WASHC2A: variants seen among roughly 807,000 people sequenced by gnomAD.
WASHC2A encodes WASH complex subunit FAM21A.
In WASHC2A, 82 loss-of-function variants were observed where a neutral mutation model predicts 140.3. The observed-to-expected ratio is 0.58, with a 90% CI of 0.49 to 0.70. The LOEUF is 0.70. WASHC2A is among the 30% of genes least tolerant of loss of function. The pLI is 0.00. For synonymous variants in WASHC2A, 340 were observed against 560.8 expected (o/e 0.61, Z 5.56); for missense variants, 985 against 1,521.8 (o/e 0.65, Z 5.87).
intron 20 of WASHC2A, chr10:50,112,063 G>C: frequency 1.0e-6 from 1 of 985,270 alleles, no homozygotes; most frequent in Non-Finnish European, 1.2e-6. Context: ...AAACAGACGA[G>C]AAAGAGAAGA....
rs1455989221 is a variant in WASHC2A, at chr10:50,095,617, G to C, written c.1259G>C (p.Gly420Ala). ...SVFLGDTDVF[G>A]AASVPSMKEP... ...CCCACAGGAGACACGGATGTGTTTG[G>C]TGCTGCCTCCGTTCCATCAATGAAG... Residue 420 changes from glycine (G) to alanine (A), a missense_variant, in exon 15 of 31, where the codon GGT becomes GCT. Gly to Ala is a moderately conservative substitution (Grantham distance 60). Coordinates refer to ENST00000282633, the MANE Select transcript of WASHC2A (RefSeq NM_001005751.3). 8.1e-6 allele frequency: 13 copies of C among 1,611,776 alleles called. No homozygotes were observed. The highest frequency in any genetic ancestry group is 9.3e-6 in the Non-Finnish European group (11 of 1,179,852).
intron 10 of WASHC2A, 42 bp from the exon 11 acceptor site, chr10:50,092,120 G>C (rs2132566271): frequency 7.7e-7 from 1 of 1,295,438 alleles, no homozygotes; most frequent in East Asian, 2.5e-5. Flanking sequence ...TGTATACTGA[G>C]GGAGGACTTA....
At chr10:50,094,633 CCTG>C (rs1195482578) in intron 13 of WASHC2A, among the ~76,000 whole-genome samples, 1 of 152,154 alleles carries the variant, frequency 6.6e-6, no homozygotes, top group Non-Finnish European at 1.5e-5. Flanking sequence ...GCTCCTTGTG[CCTG>C]CTGTGCGGGC....
chr10:50,092,662 C>A (rs1424951482), intron 11 of WASHC2A, among the ~76,000 whole-genome samples: 4 of 151,576 alleles, frequency 2.6e-5, no homozygotes, highest in African/African-American at 9.7e-5. Flanking sequence ...ATCCCAAAAA[C>A]AAACAGAAGC....
In WASHC2A at chr10:50,078,663, T is replaced by G. The variant is rs1486916174; in HGVS notation, c.292-12T>G. On this transcript the variant is annotated splice_polypyrimidine_tract_variant and intron_variant, in intron 3 of 30. Coordinates refer to ENST00000282633, the MANE Select transcript of WASHC2A (RefSeq NM_001005751.3). ...GTTGACCTTTTAACATTGAGTTTGC[T>G]TCCATATTTAGCGTGTATATGATGA... 1 of 1,611,794 alleles carries G rather than the reference T, an allele frequency of 6.2e-7. No homozygotes were observed. The highest frequency in any genetic ancestry group is 1.3e-5 in the African/African-American group (1 of 74,810).
chr10:50,108,889 G>GAA (rs1182148936), intron 19 of WASHC2A, among the ~76,000 whole-genome samples: 106 of 75,616 alleles, frequency 1.4e-3, no homozygotes, highest in African/African-American at 2.5e-3. Flanking sequence ...CTCGAAAAAG[G>GAA]AAAAAAAAAA....
chr10:50,084,112 C>A lies in WASHC2A; in HGVS notation c.569C>A (p.Ser190Ter). The change falls in exon 6 of 31, where the codon TCA becomes TAA. Residue 190 changes from serine (S) to a stop codon, truncating the protein, a stop_gained. Coordinates refer to ENST00000282633, the MANE Select transcript of WASHC2A (RefSeq NM_001005751.3). LOFTEE classifies it high-confidence loss of function. Reference protein sequence around the residue: ...IDRPLPYLIGSKLFMEQEDVG... With the variant: ...IDRPLPYLIG ...CGTCCTTTACCATATCTCATTGGGT[C>A]AAAGCTGTTCATGGAACAAGAAGAT... 1.2e-6 allele frequency: 2 copies of A among 1,611,602 alleles called. No homozygotes were observed. The highest frequency in any genetic ancestry group is 2.2e-5 in the South Asian group (2 of 90,944).
At chr10:50,088,640 C>G (rs1839605214) in intron 8 of WASHC2A, among the ~76,000 whole-genome samples, 1 of 120,138 alleles carries the variant, frequency 8.3e-6, no homozygotes, top group Non-Finnish European at 1.7e-5. Flanking sequence ...GTTAATAACT[C>G]TTAATGTCTG....
At chr10:50,124,768 C>T (rs1843283236) in intron 23 of WASHC2A, among the ~76,000 whole-genome samples, 1 of 150,322 alleles carries the variant, frequency 6.7e-6, no homozygotes, top group Non-Finnish European at 1.5e-5. Context: ...AAATGTTTCT[C>T]ATTATGGAAC....
chr10:50,128,888 G>T (rs2258257), intron 28 of WASHC2A, among the ~76,000 whole-genome samples: 1 of 150,414 alleles, frequency 6.6e-6, no homozygotes, highest in Non-Finnish European at 1.5e-5. Flanking sequence ...AATATTTAAC[G>T]TTTGAATTCA....
intron 8 of WASHC2A, among the ~76,000 whole-genome samples, chr10:50,090,546 A>ATATT (rs1399639247): frequency 1.9e-4 from 27 of 144,816 alleles, no homozygotes; most frequent in African/African-American, 6.7e-4. Context: ...ATTTATATAT[A>ATATT]TATATTTATA....
chr10:50,115,596 G>C (rs1842606894), intron 21 of WASHC2A, among the ~76,000 whole-genome samples: 1 of 136,728 alleles, frequency 7.3e-6, no homozygotes, highest in Non-Finnish European at 1.6e-5. Flanking sequence ...GGTCGCAGTT[G>C]CAGGGTCAGG....
Position 50,095,784 on chromosome 10 carries a change from T to C in WASHC2A, c.1420+6T>C, listed in dbSNP as rs1840444995. ...CAGCAAACCTTCTAAAACAGGTATGTGTTCCTGCCTCCGTTTCTAGGACTT... is the reference window on the plus strand; with the variant it reads ...CAGCAAACCTTCTAAAACAGGTATGCGTTCCTGCCTCCGTTTCTAGGACTT... On this transcript the variant is annotated splice_donor_region_variant and intron_variant, in intron 15 of 30. Coordinates refer to ENST00000282633, the MANE Select transcript of WASHC2A (RefSeq NM_001005751.3). 1 of 1,602,340 alleles carries C rather than the reference T, an allele frequency of 6.2e-7. No individual in the cohort carries two copies. The highest frequency in any genetic ancestry group is 8.5e-7 in the Non-Finnish European group (1 of 1,175,082).
chr10:50,076,205 T>C (rs1348841444), intron 3 of WASHC2A, among the ~76,000 whole-genome samples: 1 of 152,186 alleles, frequency 6.6e-6, no homozygotes, highest in African/African-American at 2.4e-5. Context: ...CCTCCCAAAG[T>C]GCTGGGATTA....
intron 12 of WASHC2A, 99 bp downstream of exon 12, chr10:50,093,485 T>G (rs1264054327): frequency 1.7e-6 from 1 of 580,378 alleles, no homozygotes; most frequent in Non-Finnish European, 3.0e-6. Flanking sequence ...GAAAAACAGT[T>G]TCTCAGTTGG....
chr10:50,108,970 G>A (rs1420640626), intron 19 of WASHC2A, among the ~76,000 whole-genome samples: 1 of 151,270 alleles, frequency 6.6e-6, no homozygotes, highest in African/African-American at 2.4e-5. Context: ...AATTAATCTG[G>A]TTGGGGTACA....
At position 50,129,811 on chromosome 10, in the gene WASHC2A, C is replaced by T; in HGVS notation, c.3480C>T (p.Asn1160=). Residue 1160 remains asparagine, a synonymous_variant, in exon 29 of 31, where the codon AAC becomes AAT. Coordinates refer to ENST00000282633, the MANE Select transcript of WASHC2A (RefSeq NM_001005751.3). ...PKAKIAENPA[N]PPVGGKAKSP... ...CAAAGATAGCAGAGAATCCTGCCAA[C>T]CCACCAGTGGGTGGTAAAGCAAAGA... 6.2e-7 allele frequency: 1 copy of T among 1,612,050 alleles called. No individual in the cohort carries two copies. The highest frequency in any genetic ancestry group is 1.1e-5 in the South Asian group (1 of 90,986).
At chr10:50,128,487 G>T (rs1185293919) in intron 28 of WASHC2A, among the ~76,000 whole-genome samples, 11 of 152,240 alleles carry the variant, frequency 7.2e-5, no homozygotes, top group Non-Finnish European at 1.2e-4. Flanking sequence ...TTGTAGTTGG[G>T]TTTCTTGTTT....
chr10:50,121,507 C>T (rs1194143981), intron 23 of WASHC2A, among the ~76,000 whole-genome samples: 1 of 150,266 alleles, frequency 6.7e-6, no homozygotes, highest in Non-Finnish European at 1.5e-5. Context: ...GATTCTCCTG[C>T]CTCAGCCTCC....
Sources: allele counts gnomAD v4.1 joint callset (sites outside exome capture counted in the v4.1 genomes callset), GRCh38; gene constraint gnomAD v4.1.1; transcripts MANE v1.5; gene names NCBI Gene and HGNC (gene_info 2026-07-23, HGNC 2026-07-21).